Variants in PDE4D observed in about 807,000 individuals in gnomAD.
The protein encoded by PDE4D is phosphodiesterase 4D.
Under a neutral mutation model 87.4 loss-of-function variants are expected in PDE4D, and 24 were observed. That is an observed-to-expected ratio of 0.27 (90% CI 0.20 to 0.39). PDE4D has a LOEUF of 0.39. Among genes scored for constraint, PDE4D ranks in the 10% least tolerant of loss-of-function variants. PDE4D has a pLI of 1.00. For missense variants in PDE4D, 714 were observed against 1,041.0 expected, an observed-to-expected ratio of 0.69 and a Z score of 4.32; for synonymous variants, 384 against 383.2, an observed-to-expected ratio of 1.00 and a Z score of -0.02.
At chr5:59,679,291 G>A (rs1211053632) in intron 1 of PDE4D, among the ~76,000 whole-genome samples, 1 of 152,134 alleles carries the variant, frequency 6.6e-6, no homozygotes, top group Non-Finnish European at 1.5e-5. Flanking sequence ...TGAAAGAAAA[G>A]ATGTTTTTCC....
At chr5:59,998,793 G>A (rs938424401) in intron 2 of PDE4D, among the ~76,000 whole-genome samples, 2 of 152,006 alleles carry the variant, frequency 1.3e-5, no homozygotes, top group African/African-American at 2.4e-5. Context: ...AAGTTTAGTG[G>A]AAAAATACAA....
intron 1 of PDE4D, among the ~76,000 whole-genome samples, chr5:60,508,828 CAT>C (rs1408781610): frequency 6.6e-6 from 1 of 152,140 alleles, no homozygotes; most frequent in East Asian, 1.9e-4. Flanking sequence ...CTCTATAACT[CAT>C]GTTTGAACAA....
At chr5:59,144,136 T>A (rs1197249764) in intron 5 of PDE4D, among the ~76,000 whole-genome samples, 2 of 152,238 alleles carry the variant, frequency 1.3e-5, no homozygotes, top group African/African-American at 4.8e-5. Flanking sequence ...TTAATTAGTC[T>A]AATTTTCTAT....
chr5:60,222,315 C>T (rs1744589949), intron 1 of PDE4D, among the ~76,000 whole-genome samples: 1 of 152,062 alleles, frequency 6.6e-6, no homozygotes, highest in Admixed American at 6.6e-5. Context: ...GAGCCTCCAG[C>T]CCCAGTCAAG....
intron 1 of PDE4D, among the ~76,000 whole-genome samples, chr5:59,395,370 A>G (rs2153611136): frequency 6.6e-6 from 1 of 152,358 alleles, no homozygotes; most frequent in East Asian, 1.9e-4. Context: ...TGGTTCTCCC[A>G]GCACGCAGCT....
At chr5:60,105,957 C>A (rs182135359) in intron 2 of PDE4D, among the ~76,000 whole-genome samples, 1 of 152,124 alleles carries the variant, frequency 6.6e-6, no homozygotes, top group African/African-American at 2.4e-5. Context: ...AACTAATGAG[C>A]AAAATAACCA....
chr5:60,042,331 G>A (rs1029051415), intron 2 of PDE4D, among the ~76,000 whole-genome samples: 7 of 152,160 alleles, frequency 4.6e-5, no homozygotes, highest in Admixed American at 2.6e-4. Flanking sequence ...CATCTCCCTG[G>A]GACAGAGCAC....
intron 1 of PDE4D, among the ~76,000 whole-genome samples, chr5:60,330,967 T>C (rs1050371472): frequency 6.6e-6 from 1 of 152,176 alleles, no homozygotes; most frequent in Admixed American, 6.5e-5. Flanking sequence ...CACTGTTGTA[T>C]TGTATATACC....
At chr5:59,200,032 T>C (rs549749660) in intron 2 of PDE4D, among the ~76,000 whole-genome samples, 14 of 101,320 alleles carry the variant, frequency 1.4e-4, no homozygotes, top group Admixed American at 3.3e-4. Context: ...TATACATACA[T>C]GCACACACAC....
At chr5:60,465,204 C>A (rs976489292) in intron 1 of PDE4D, among the ~76,000 whole-genome samples, 14 of 152,084 alleles carry the variant, frequency 9.2e-5, no homozygotes, top group African/African-American at 3.4e-4. Flanking sequence ...AAAGAAATAT[C>A]TCTTCAATAT....
intron 2 of PDE4D, among the ~76,000 whole-genome samples, chr5:59,214,423 A>T (rs954162567): frequency 2.6e-5 from 4 of 152,026 alleles, no homozygotes; most frequent in African/African-American, 7.2e-5. Flanking sequence ...ACATTTAGTA[A>T]ATGTTGTTCC....
chr5:60,103,034 G>A (rs1186217557), intron 2 of PDE4D, among the ~76,000 whole-genome samples: 1 of 150,892 alleles, frequency 6.6e-6, no homozygotes, highest in Non-Finnish European at 1.5e-5. Context: ...CCACCAGGAA[G>A]TTAAGGAGTT....
At chr5:59,353,500 A>ATGTTTAAAGATTCTGGC (rs1280627812) in intron 1 of PDE4D, among the ~76,000 whole-genome samples, 1 of 152,048 alleles carries the variant, frequency 6.6e-6, no homozygotes. Flanking sequence ...TGAATCTTTA[A>ATGTTTAAAGATTCTGGC]ACATGTGTGC....
chr5:59,234,811 T>C (rs1191717319), intron 1 of PDE4D, among the ~76,000 whole-genome samples: 3 of 152,170 alleles, frequency 2.0e-5, no homozygotes, highest in South Asian at 2.1e-4. Flanking sequence ...TTTGCTGACC[T>C]TTGAAATTTA....
intron 1 of PDE4D, among the ~76,000 whole-genome samples, chr5:59,751,537 T>C (rs1397908983): frequency 1.3e-5 from 2 of 151,506 alleles, no homozygotes; most frequent in Non-Finnish European, 2.9e-5. Context: ...TTAGGAAAGA[T>C]AACATCATCA....
At chr5:59,662,535 A>G (rs1745426336) in intron 1 of PDE4D, among the ~76,000 whole-genome samples, 1 of 152,222 alleles carries the variant, frequency 6.6e-6, no homozygotes, top group African/African-American at 2.4e-5. Flanking sequence ...GCAAGGTTTA[A>G]AATGAAATCT....
intron 1 of PDE4D, among the ~76,000 whole-genome samples, chr5:59,334,194 A>C (rs1338549621): frequency 6.7e-6 from 1 of 149,918 alleles, no homozygotes; most frequent in East Asian, 2.0e-4. Flanking sequence ...TGATAATATC[A>C]GTGCTAAGGG....
intron 1 of PDE4D, among the ~76,000 whole-genome samples, chr5:59,798,292 GTGTGTT>G (rs746906867): frequency 6.9e-6 from 1 of 145,302 alleles, no homozygotes; most frequent in Non-Finnish European, 1.5e-5. Flanking sequence ...GTGTGTGTGT[GTGTGTT>G]TGTGTGTATG....
chr5:59,674,122 A>T (rs977871710), intron 1 of PDE4D, among the ~76,000 whole-genome samples: 1 of 152,320 alleles, frequency 6.6e-6, no homozygotes, highest in Admixed American at 6.5e-5. Context: ...AATAAATAGC[A>T]TACTATTTAG....
Sources: gnomAD v4.1 joint callset for allele counts (sites outside exome capture counted in the v4.1 genomes callset) on GRCh38, gnomAD v4.1.1 for gene constraint, MANE v1.5 for transcripts, NCBI Gene and HGNC (gene_info 2026-07-23, HGNC 2026-07-21) for gene names.